The following CNTNAP2 variants were observed in gnomAD, a reference collection of about 807,000 sequenced individuals.
CNTNAP2 encodes the protein contactin associated protein 2, also known as contactin-associated protein-like 2.
A neutral mutation model predicts 155.2 loss-of-function variants in CNTNAP2; 98 were observed. The observed-to-expected ratio is 0.63, with a 90% CI of 0.54 to 0.75. The LOEUF (loss-of-function observed/expected upper bound fraction) is 0.75, where lower values mean the gene tolerates loss of function less well. CNTNAP2 is among the 30% of genes least tolerant of loss of function. The pLI is 0.00. For missense variants in CNTNAP2, 1,727 were observed against 1,688.1 expected (o/e 1.02, Z -0.40); for synonymous variants, 651 against 631.2 (o/e 1.03, Z -0.47).
chr7:148,014,321 T>C (rs1563167467), intron 15 of CNTNAP2: 2 of 149,618 alleles, frequency 1.3e-5, no homozygotes, highest in Non-Finnish European at 1.5e-5. Context: ...GGTCTTGCAA[T>C]GGGCTTTTTA....
intron 9 of CNTNAP2, among the ~76,000 whole-genome samples, chr7:147,333,566 T>C (rs1795612943): frequency 6.6e-6 from 1 of 152,176 alleles, no homozygotes; most frequent in South Asian, 2.1e-4. Context: ...TTTACTTAAA[T>C]TTTTGAAATA....
chr7:146,580,973 A>C (rs2129147774), intron 1 of CNTNAP2, among the ~76,000 whole-genome samples: 1 of 152,268 alleles, frequency 6.6e-6, no homozygotes, highest in Admixed American at 6.5e-5. Flanking sequence ...ACAATTGAAA[A>C]ATTAATTCAG....
intron 13 of CNTNAP2, among the ~76,000 whole-genome samples, chr7:147,888,458 G>A (rs149811399): frequency 2.6e-5 from 4 of 152,092 alleles, no homozygotes; most frequent in African/African-American, 9.6e-5. Flanking sequence ...AAAGCAAGGA[G>A]ATTAGATCAC....
intron 3 of CNTNAP2, among the ~76,000 whole-genome samples, chr7:147,010,085 C>A (rs1798596827): frequency 6.7e-6 from 1 of 148,952 alleles, no homozygotes; most frequent in Non-Finnish European, 1.5e-5. Context: ...TCTGGGCTCA[C>A]TGCAACTTCC....
chr7:146,855,376 G>C lies in CNTNAP2; in HGVS notation c.402+15472G>C, dbSNP rs201292687. Reference sequence around the variant, plus strand: ...GCTCCAATAACATAAAAAGTCATACGCACAAAGTTATTTCTTGCCATTGTA... The same window carrying C: ...GCTCCAATAACATAAAAAGTCATACCCACAAAGTTATTTCTTGCCATTGTA... On this transcript the variant is annotated intron_variant, in intron 3 of 23. Transcript: ENST00000361727. 2.6e-5 allele frequency among the ~76,000 whole-genome samples: 4 copies of C among 152,138 alleles called. No individual in the cohort carries two copies. In the South Asian group the frequency reaches 8.3e-4, roughly 32 times the overall value.
chr7:146,900,112 G>A (rs1795961464), intron 3 of CNTNAP2, among the ~76,000 whole-genome samples: 1 of 152,064 alleles, frequency 6.6e-6, no homozygotes, highest in South Asian at 2.1e-4. Context: ...ACTTGCTATA[G>A]ACAAGTAGAT....
intron 1 of CNTNAP2, among the ~76,000 whole-genome samples, chr7:146,314,802 T>A (rs1048974890): frequency 3.3e-5 from 5 of 152,162 alleles, no homozygotes; most frequent in Non-Finnish European, 7.3e-5. Flanking sequence ...TGCTTGAGCA[T>A]TCAGAAGACG....
chr7:146,637,024 T>A (rs1563166382), intron 1 of CNTNAP2, among the ~76,000 whole-genome samples: 1 of 152,230 alleles, frequency 6.6e-6, no homozygotes. Context: ...TAATATGGTA[T>A]TCACAATTTG....
chr7:147,234,686 CA>C (rs1803761296), intron 8 of CNTNAP2, among the ~76,000 whole-genome samples: 1 of 152,148 alleles, frequency 6.6e-6, no homozygotes, highest in African/African-American at 2.4e-5. Context: ...TCACATGTTG[CA>C]GCGAGTTTCA....
chr7:146,586,650 A>AAC (rs1461031656), intron 1 of CNTNAP2, among the ~76,000 whole-genome samples: 1 of 152,172 alleles, frequency 6.6e-6, no homozygotes, highest in African/African-American at 2.4e-5. Context: ...TGTATTAACT[A>AAC]ACACACACAC....
chr7:147,088,799 C>T (rs996879991), intron 4 of CNTNAP2, among the ~76,000 whole-genome samples: 3 of 152,090 alleles, frequency 2.0e-5, no homozygotes, highest in Non-Finnish European at 4.4e-5. Flanking sequence ...CAAAAATTAG[C>T]TGGACATGGT....
intron 3 of CNTNAP2, among the ~76,000 whole-genome samples, chr7:147,021,239 T>C (rs1798812785): frequency 7.0e-6 from 1 of 142,404 alleles, no homozygotes; most frequent in African/African-American, 2.6e-5. Context: ...TTAGTGTGTG[T>C]ATTTTATGTA....
intron 13 of CNTNAP2, among the ~76,000 whole-genome samples, chr7:147,680,063 A>G (rs887698602): frequency 6.6e-6 from 1 of 151,734 alleles, no homozygotes; most frequent in African/African-American, 2.4e-5. Flanking sequence ...CCTTCACTCA[A>G]ATTACCATTT....
chr7:147,619,942 T>C (rs1801362207), intron 12 of CNTNAP2, among the ~76,000 whole-genome samples: 1 of 152,288 alleles, frequency 6.6e-6, no homozygotes, highest in African/African-American at 2.4e-5. Context: ...CAAGGAGTAG[T>C]TGTGTCACTC....
intron 22 of CNTNAP2, among the ~76,000 whole-genome samples, chr7:148,384,595 C>G (rs1799148963): frequency 6.6e-6 from 1 of 152,188 alleles, no homozygotes; most frequent in Non-Finnish European, 1.5e-5. Context: ...GCCCAAGCCT[C>G]TGCTTTTTCA....
At chr7:147,340,926 C>T (rs1372667171) in intron 9 of CNTNAP2, among the ~76,000 whole-genome samples, 1 of 152,016 alleles carries the variant, frequency 6.6e-6, no homozygotes, top group Non-Finnish European at 1.5e-5. Flanking sequence ...TATGACCTTA[C>T]TCTCCCCAGC....
chr7:146,199,636 C>T (rs1798827944), intron 1 of CNTNAP2, among the ~76,000 whole-genome samples: 1 of 152,158 alleles, frequency 6.6e-6, no homozygotes, highest in African/African-American at 2.4e-5. Context: ...TAATAATTTA[C>T]TGTGGCCATA....
At chr7:147,681,861 C>T (rs139532262) in intron 13 of CNTNAP2, among the ~76,000 whole-genome samples, 2,485 of 151,712 alleles carry the variant, frequency 0.016, 222 homozygotes, top group Admixed American at 0.15. Flanking sequence ...ATATATGGGA[C>T]TTAGTGCTAT....
chr7:147,653,863 T>A (rs1052742247), intron 13 of CNTNAP2, among the ~76,000 whole-genome samples: 1 of 152,236 alleles, frequency 6.6e-6, no homozygotes, highest in Admixed American at 6.5e-5. Context: ...TATTTAAGCC[T>A]ACCTAGAAAC....
Sources: gnomAD v4.1 joint callset for allele counts (sites outside exome capture counted in the v4.1 genomes callset) on GRCh38, gnomAD v4.1.1 for gene constraint, MANE v1.5 for transcripts, NCBI Gene and HGNC (gene_info 2026-07-23, HGNC 2026-07-21) for gene names.